TRNT1: variants seen among roughly 807,000 people sequenced by gnomAD.
TRNT1 encodes the protein tRNA nucleotidyl transferase 1, also known as CCA tRNA nucleotidyltransferase 1, mitochondrial.
Under a neutral mutation model 45.6 loss-of-function variants are expected in TRNT1, and 44 were observed. That is an observed-to-expected ratio of 0.97 (90% CI 0.76 to 1.24). The LOEUF (loss-of-function observed/expected upper bound fraction) is 1.24, where lower values mean the gene tolerates loss of function less well. Among genes scored for constraint, TRNT1 ranks in the 50% most tolerant of loss-of-function variants. TRNT1 has a pLI of 0.00. For missense variants in TRNT1, 633 were observed against 504.4 expected, an observed-to-expected ratio of 1.25 and a Z score of -2.44; for synonymous variants, 201 against 171.4, an observed-to-expected ratio of 1.17 and a Z score of -1.35.
rs1439134079 is a variant in TRNT1 at position 3,137,373 on chromosome 3, C to G, written c.262C>G (p.Gln88Glu). 2.5e-6 allele frequency: 4 copies of G among 1,613,830 alleles called. No homozygotes were observed. In the Admixed American group the frequency reaches 5.0e-5, roughly 20 times the overall value. The change falls in exon 3 of 8, where the codon CAA becomes GAA. Residue 88 changes from glutamine to glutamate, a missense_variant. Transcript: ENST00000251607. ...TTTTGCCACCACTGCTACCCCTACT[C>G]AAATGAAGGAGATGTTTCAGTCGGC... ...IDFATTATPT[Q>E]MKEMFQSAGI...
downstream of TRNT1, chr3:3,152,444 C>T: frequency 3.1e-6 from 5 of 1,611,834 alleles, no homozygotes; most frequent in Non-Finnish European, 4.2e-6. Context: ...GCAACCACCA[C>T]CATAATATTA....
chr3:3,146,430 G>C lies in TRNT1; in HGVS notation c.609G>C (p.Arg203Ser). Residue 203 changes from arginine (R) to serine (S), a missense_variant and splice_region_variant, in exon 6 of 8, where the codon AGG becomes AGC. Physicochemically the swap from Arg to Ser is moderately radical, Grantham distance 110 (BLOSUM62 -1). Transcript: ENST00000251607. Reference protein sequence around the residue: ...EDYLRILRYFRFYGRIVDKPG... With the variant: ...EDYLRILRYFSFYGRIVDKPG... ...ACCCTGTGAAGATTTTGTCTTGTAGGTTTTATGGGAGAATTGTAGACAAAC... is the reference window on the plus strand; with the variant it reads ...ACCCTGTGAAGATTTTGTCTTGTAGCTTTTATGGGAGAATTGTAGACAAAC... 6.2e-7 allele frequency: 1 copy of C among 1,607,274 alleles called. No homozygotes were observed. Among genetic ancestry groups the C allele is most frequent in the Non-Finnish European group, 8.5e-7 (1 of 1,177,802 alleles).
At position 3,144,630 on chromosome 3, in the gene TRNT1, A is replaced by T; in HGVS notation, c.528A>T (p.Leu176Phe). Residue 176 changes from leucine (L) to phenylalanine (F), a missense_variant, in exon 5 of 8, where the codon TTA becomes TTT. Transcript: ENST00000251607. ...LFDYFNGYED[L>F]KNKKVRFVGH... ...ACTACTTTAATGGTTATGAAGATTT[A>T]AAAAATAAGAAAGTTAGATTTGTTG... 6.3e-7 allele frequency: 1 copy of T among 1,586,536 alleles called. No homozygotes were observed. The highest frequency in any genetic ancestry group is 8.6e-7 in the Non-Finnish European group (1 of 1,159,604).
Position 3,126,956 on chromosome 3 carries a change from T to A in TRNT1, c.-62T>A, listed in dbSNP as rs923301252. ...GCGTTCACCAGCCCGGAAGTGCGCG[T>A]GGCGGCGGTGGCGGCTGCGGCAACA... On this transcript the variant is annotated 5_prime_UTR_variant, in exon 1 of 8. Transcript: ENST00000251607. 9.8e-5 allele frequency: 15 copies of A among 152,736 alleles called. No individual in the cohort carries two copies. The highest frequency in any genetic ancestry group is 1.9e-4 in the Non-Finnish European group (13 of 68,482). The allele number at this position is 152,736 out of a possible 1,614,324, so 9.5% of individuals were successfully genotyped here.
At chr3:3,150,726 T>C, downstream of TRNT1, 1 of 852,540 alleles carries the variant, frequency 1.2e-6, no homozygotes. Context: ...ACTTAGAAAC[T>C]GCAACCCTCC....
rs112913138 is a variant in TRNT1 at position 3,146,773 on chromosome 3, A to G, written c.802+150A>G. On this transcript the variant is annotated intron_variant, in intron 6 of 7. Coordinates refer to ENST00000251607, the MANE Select transcript of TRNT1 (RefSeq NM_182916.3). ...AAGACAAAGTTTGGGTTATGGGGTA[A>G]GTTTTGTCGTGAGTAGGGAAGAGCT... 6.0e-4 allele frequency: 444 copies of G among 738,236 alleles called. 1 individual carries two copies. In the African/African-American group the frequency reaches 7.0e-3, roughly 12 times the overall value. The allele number at this position is 738,236 out of a possible 1,614,324, so 45.7% of individuals were successfully genotyped here.
At chr3:3,150,840 A>AAC (rs2126046971), downstream of TRNT1, 1 of 1,602,640 alleles carries the variant, frequency 6.2e-7, no homozygotes, top group East Asian at 2.2e-5. Flanking sequence ...AATTTGTTAG[A>AAC]TAACTTTATC....
downstream of TRNT1, chr3:3,150,746 T>C: frequency 1.0e-6 from 1 of 976,812 alleles, no homozygotes; most frequent in Non-Finnish European, 1.5e-6. Flanking sequence ...CAAGTAATGT[T>C]ATGTTTACTT....
chr3:3,141,829 C>T (rs1705673038), intron 4 of TRNT1, among the ~76,000 whole-genome samples: 1 of 152,162 alleles, frequency 6.6e-6, no homozygotes, highest in South Asian at 2.1e-4. Context: ...GCATCTCTTG[C>T]TGATTACAGT....
At position 3,129,104 on chromosome 3, in the gene TRNT1, C is replaced by A; in HGVS notation, c.64C>A (p.Leu22Ile). 1 of 1,613,942 alleles carries A rather than the reference C, an allele frequency of 6.2e-7. No homozygotes were observed. Residue 22 changes from leucine to isoleucine, a missense_variant, in exon 2 of 8, where the codon CTT becomes ATT. By Grantham distance (5) the Leu-to-Ile change is conservative. Transcript: ENST00000251607. ...GAACCGTAGGTGGAGTAGGCTGTGC[C>A]TTCCGAAGCAGTATCTATTCACAAT... ...VLNRRWSRLC[L>I]PKQYLFTMKL... is the part of the protein sequence containing the mutation.
intron 3 of TRNT1, among the ~76,000 whole-genome samples, 179 bp from the exon 4 acceptor site, chr3:3,140,331 G>C (rs1705569030): frequency 6.6e-6 from 1 of 152,088 alleles, no homozygotes; most frequent in South Asian, 2.1e-4. Context: ...ATCTGTTTTT[G>C]AATAATGTGG....
intron 2 of TRNT1, among the ~76,000 whole-genome samples, chr3:3,135,425 T>TA: frequency 6.6e-6 from 1 of 152,196 alleles, no homozygotes; most frequent in East Asian, 1.9e-4. Context: ...CCTAGTGTTT[T>TA]AAATCCCTAT....
intron 1 of TRNT1, among the ~76,000 whole-genome samples, chr3:3,128,748 A>T (rs1487305237): frequency 1.4e-5 from 2 of 147,906 alleles, no homozygotes; most frequent in Non-Finnish European, 3.0e-5. Context: ...TTTAATATGT[A>T]ACTCAACCAG....
downstream of TRNT1, chr3:3,153,336 C>T (rs1182983870): frequency 3.7e-6 from 3 of 806,822 alleles, no homozygotes; most frequent in Non-Finnish European, 4.3e-6. Flanking sequence ...CTTTAAGGTA[C>T]TGGAGGAAAG....
intron 2 of TRNT1, among the ~76,000 whole-genome samples, chr3:3,135,996 T>C (rs567314560): frequency 3.9e-4 from 59 of 152,188 alleles, no homozygotes; most frequent in Non-Finnish European, 7.2e-4. Context: ...TGCAGCGGGT[T>C]AGATGCTCTC....
intron 2 of TRNT1, among the ~76,000 whole-genome samples, chr3:3,132,500 G>A (rs1705059452): frequency 3.0e-5 from 1 of 33,578 alleles, no homozygotes; most frequent in African/African-American, 7.4e-5. Context: ...CATGGACACA[G>A]GAAGGGGAAT....
chr3:3,151,620 C>G (rs551822579), downstream of TRNT1, among the ~76,000 whole-genome samples: 4 of 152,270 alleles, frequency 2.6e-5, no homozygotes, highest in East Asian at 7.7e-4. Context: ...CCTAGGTATA[C>G]CATGCCACAT....
In TRNT1 at chr3:3,146,557, CTT is replaced by C; in HGVS notation, c.737_738del (p.Leu246ArgfsTer3). On this transcript the variant is annotated frameshift_variant, in exon 6 of 8. Transcript: ENST00000251607. LOFTEE classifies it high-confidence loss of function. ...GATTTGGGTGGAACTGAAAAAAATT[CTT>C]GTTGGTAACCATGTAAATCATTTGA... ...ERIWVELKKI[L>X]VGNHVNHLIH... The C allele has an allele frequency of 1.2e-6, 2 of 1,613,916 alleles. No homozygotes were observed. Among genetic ancestry groups the C allele is most frequent in the African/African-American group, 2.7e-5 (2 of 75,012 alleles).
At chr3:3,146,334 CA>C in intron 5 of TRNT1, 95 bp from the exon 6 acceptor site, 1 of 865,278 alleles carries the variant, frequency 1.2e-6, no homozygotes, top group Non-Finnish European at 1.7e-6. Flanking sequence ...TTTCATTAAG[CA>C]GATGTATGGG....
Sources: allele counts gnomAD v4.1 joint callset (sites outside exome capture counted in the v4.1 genomes callset), GRCh38; gene constraint gnomAD v4.1.1; transcripts MANE v1.5; gene names NCBI Gene and HGNC (gene_info 2026-07-23, HGNC 2026-07-21).